The following BMP7 variants were observed in gnomAD, a reference collection of about 807,000 sequenced individuals.
BMP7 encodes the protein bone morphogenetic protein 7, also known as osteogenic protein 1.
A neutral mutation model predicts 41.2 loss-of-function variants in BMP7; 12 were observed. That is an observed-to-expected ratio of 0.29 (90% CI 0.19 to 0.47). The LOEUF (loss-of-function observed/expected upper bound fraction) is 0.47, where lower values mean the gene tolerates loss of function less well. BMP7 is among the 20% of genes least tolerant of loss of function. The pLI is 0.99. For synonymous variants in BMP7, 248 were observed against 250.0 expected (o/e 0.99, Z 0.07); for missense variants, 467 against 606.0 (o/e 0.77, Z 2.41).
At chr20:57,247,156 T>C (rs2066093731) in intron 1 of BMP7, among the ~76,000 whole-genome samples, 1 of 152,114 alleles carries the variant, frequency 6.6e-6, no homozygotes, top group African/African-American at 2.4e-5. Context: ...CTCCAGCAAC[T>C]GTGTTGATGC....
At chr20:57,184,674 C>T (rs554474701) in intron 3 of BMP7, among the ~76,000 whole-genome samples, 3 of 152,152 alleles carry the variant, frequency 2.0e-5, no homozygotes, top group South Asian at 2.1e-4. Context: ...GATGTGCTGT[C>T]GTCAGTTAAA....
chr20:57,239,436 C>T (rs770316311), intron 1 of BMP7, among the ~76,000 whole-genome samples: 4 of 152,202 alleles, frequency 2.6e-5, no homozygotes, highest in African/African-American at 7.2e-5. Flanking sequence ...TCCCTCCCAG[C>T]TGCTTTCATG....
chr20:57,174,810 C>G lies in BMP7; in HGVS notation c.1035+121G>C. Reference sequence around the variant, plus strand: ...GCCCAAGTCCCCTTCCCTAGCGAGGCCACTTGATACTGGAGTCTTAACTGG... The same window carrying G: ...GCCCAAGTCCCCTTCCCTAGCGAGGGCACTTGATACTGGAGTCTTAACTGG... On this transcript the variant is annotated intron_variant, in intron 5 of 6. Transcript: ENST00000395863. This position sits in a 1 kb window ranked among gnomAD's most constrained non-coding sequence, Gnocchi z 4.3. 1 of 1,113,406 alleles carries G rather than the reference C, an allele frequency of 9.0e-7. No individual in the cohort carries two copies. The highest frequency in any genetic ancestry group is 1.3e-6 in the Non-Finnish European group (1 of 761,862). The allele number at this position is 1,113,406 out of a possible 1,614,324, so 69.0% of individuals were successfully genotyped here.
At position 57,266,097 on chromosome 20, in the gene BMP7, G is replaced by A; in HGVS notation, c.26C>T (p.Ala9Val). 1 of 1,536,118 alleles carries A rather than the reference G, an allele frequency of 6.5e-7. No individual in the cohort carries two copies. The highest frequency in any genetic ancestry group is 1.2e-5 in the South Asian group (1 of 83,948). Residue 9 changes from alanine to valine, a missense_variant, in exon 1 of 7, where the codon GCG (alanine) becomes GTG (valine). This residue lies in a region of BMP7 where 407 missense variants were observed against 485.9 expected (regional missense o/e 0.84). Coordinates refer to ENST00000395863, the MANE Select transcript of BMP7 (RefSeq NM_001719.3). MHVRSLRA[A>V]APHSFVALWA... ...GAGCGCCACGAAGCTGTGCGGCGCC[G>A]CAGCTCGCAGTGAGCGCACGTGCAT...
rs1257455241 is a variant in BMP7, at chr20:57,169,436, A to G, written c.*1523T>C. 6.6e-6 allele frequency: 1 copy of G among 152,338 alleles called. No individual in the cohort carries two copies. Among genetic ancestry groups the G allele is most frequent in the Non-Finnish European group, 1.5e-5 (1 of 68,108 alleles). 9.4% of individuals were successfully genotyped at this position (152,338 alleles called of 1,614,324 possible). A position where few individuals can be genotyped will look rare whatever the true frequency, so the allele number is the denominator to read the frequency against. On this transcript the variant is annotated 3_prime_UTR_variant, in exon 7 of 7. Transcript: ENST00000395863. The stretch of plus-strand genomic sequence containing the variant: ...GCCAAGGCAAGGCAGGCTTACACCA[A>G]GAGCCACGTCAGAAATGCCACCTCC...
rs777149291 is a variant in BMP7 at position 57,183,919 on chromosome 20, C to T, written c.761G>A (p.Gly254Glu). 1.9e-6 allele frequency: 3 copies of T among 1,613,434 alleles called. No homozygotes were observed. The highest frequency in any genetic ancestry group is 2.5e-6 in the Non-Finnish European group (3 of 1,180,004). Residue 254 changes from glycine to glutamate, a missense_variant and splice_region_variant, in exon 4 of 7, where the codon GGG (glycine) becomes GAG (glutamate). Physicochemically the swap from Gly to Glu is moderately conservative, Grantham distance 98 (BLOSUM62 -2). This residue lies in a region of BMP7 where 407 missense variants were observed against 485.9 expected (regional missense o/e 0.84). Transcript: ENST00000395863. ...CGCCAACTTGGGGTTGATGCTCTGC[C>T]CTGGACAGGAAGCAGCCAAGTGCAC... The part of the protein sequence containing the change: ...GLQLSVETLD[G>E]QSINPKLAGL...
At position 57,228,187 on chromosome 20, in the gene BMP7, A is replaced by G. The variant is rs775310295; in HGVS notation, c.611+42T>C. 2 of 1,602,496 alleles carry G rather than the reference A, an allele frequency of 1.2e-6. No individual in the cohort carries two copies. The highest frequency in any genetic ancestry group is 1.7e-6 in the Non-Finnish European group (2 of 1,171,354). On this transcript the variant is annotated intron_variant, in intron 2 of 6. Coordinates refer to ENST00000395863, the MANE Select transcript of BMP7 (RefSeq NM_001719.3). The surrounding 1 kb of genome is among the most constrained non-coding windows in gnomAD (Gnocchi z 4.5). The stretch of plus-strand genomic sequence containing the variant: ...CACCACCTTCTTCCTCTGCCCCCAG[A>G]GGAAACTCAGCACCTCTCCCAGATA...
At chr20:57,233,494 G>A (rs6127974) in intron 1 of BMP7, among the ~76,000 whole-genome samples, 2 of 152,244 alleles carry the variant, frequency 1.3e-5, no homozygotes, top group African/African-American at 2.4e-5. Context: ...TGGGCTGGAA[G>A]GTGTCAATAA....
chr20:57,230,686 T>G (rs2066025769), intron 1 of BMP7, among the ~76,000 whole-genome samples: 1 of 148,676 alleles, frequency 6.7e-6, no homozygotes, highest in African/African-American at 2.5e-5. Context: ...AGAACTTTTT[T>G]TTTTTTTTGA....
In BMP7 at chr20:57,265,841, C is replaced by T. The variant is rs559666513; in HGVS notation, c.282G>A (p.Glu94=). The T allele has an allele frequency of 5.6e-6, 9 of 1,606,924 alleles. No homozygotes were observed. The South Asian group carries it at 1.0e-4, about 18-fold the overall frequency. ...LDLYNAMAVE[E]GGGPGGQGFS... ...AGCCCTGGCCGCCGGGCCCGCCGCC[C>T]TCCTCCACCGCCATGGCGTTGTACA... is the stretch of plus-strand genomic sequence containing the variant. Residue 94 remains glutamate (E), a synonymous_variant, in exon 1 of 7, where the codon GAG becomes GAA. Transcript: ENST00000395863.
Position 57,183,798 on chromosome 20 carries a change from C to A in BMP7, c.882G>T (p.Thr294=). 2.5e-6 allele frequency: 4 copies of A among 1,614,200 alleles called. No homozygotes were observed. The highest frequency in any genetic ancestry group is 2.5e-6 in the Non-Finnish European group (3 of 1,180,042). ...GGTTCTGGCTGCGCTGTTTGCTCCC[C>A]GTGGACCGGATGCTGCGGAAGTGGA... ...TEVHFRSIRS[T]GSKQRSQNRS... is the part of the protein sequence containing the mutation. Residue 294 remains threonine, a synonymous_variant, in exon 4 of 7, where the codon ACG becomes ACT. Coordinates refer to ENST00000395863, the MANE Select transcript of BMP7 (RefSeq NM_001719.3).
Position 57,215,181 on chromosome 20 carries a change from T to G in BMP7, c.612-12558A>C, listed in dbSNP as rs1440566704. 6.6e-6 allele frequency among the ~76,000 whole-genome samples: 1 copy of G among 152,086 alleles called. No homozygotes were observed. Among genetic ancestry groups the G allele is most frequent in the Non-Finnish European group, 1.5e-5 (1 of 67,994 alleles). Reference sequence around the variant, plus strand: ...CCTCATCAGCCCCTGGGCACCTCCATACCCCCCACCTTCACAGGCCTGGCT... The same window carrying G: ...CCTCATCAGCCCCTGGGCACCTCCAGACCCCCCACCTTCACAGGCCTGGCT... On this transcript the variant is annotated intron_variant, in intron 2 of 6. Transcript: ENST00000395863. This position sits in a 1 kb window ranked among gnomAD's most constrained non-coding sequence, Gnocchi z 4.2.
At chr20:57,187,429 C>T (rs1210728442) in intron 3 of BMP7, among the ~76,000 whole-genome samples, 1 of 152,202 alleles carries the variant, frequency 6.6e-6, no homozygotes, top group African/African-American at 2.4e-5. Flanking sequence ...GCAACTAATC[C>T]TCTGGCTACA....
Position 57,220,631 on chromosome 20 carries a change from C to T in BMP7, c.611+7598G>A, listed in dbSNP as rs578071787. ...CCCAGTGTAAAGAACCCCAGGCTGC[C>T]GCACACACGCTGATGTCTCCCCTAT... On this transcript the variant is annotated intron_variant, in intron 2 of 6. Transcript: ENST00000395863. 5.9e-5 allele frequency among the ~76,000 whole-genome samples: 9 copies of T among 152,280 alleles called. No homozygotes were observed. In the South Asian group the frequency reaches 1.5e-3, roughly 25 times the overall value.
intron 2 of BMP7, among the ~76,000 whole-genome samples, chr20:57,205,442 T>C (rs1408141038): frequency 2.0e-5 from 3 of 152,216 alleles, no homozygotes; most frequent in South Asian, 4.1e-4. Context: ...CCTGGATGAC[T>C]TTCCTGGCTT....
At chr20:57,251,777 T>C (rs971246528) in intron 1 of BMP7, among the ~76,000 whole-genome samples, 6 of 152,084 alleles carry the variant, frequency 3.9e-5, no homozygotes, top group African/African-American at 1.4e-4. Context: ...CCACTAAAAA[T>C]ACAAAAATTA....
chr20:57,243,542 C>T (rs770113211), intron 1 of BMP7, among the ~76,000 whole-genome samples: 1 of 152,068 alleles, frequency 6.6e-6, no homozygotes, highest in Admixed American at 6.6e-5. Flanking sequence ...GAATTTAACT[C>T]CTGACTTACG....
intron 3 of BMP7, among the ~76,000 whole-genome samples, chr20:57,199,822 C>T (rs959239918): frequency 6.6e-6 from 1 of 152,248 alleles, no homozygotes. Context: ...ACAAAACTCA[C>T]TGCCTGGGCG....
At chr20:57,229,027 T>A (rs568226479) in intron 1 of BMP7, among the ~76,000 whole-genome samples, 1 of 152,334 alleles carries the variant, frequency 6.6e-6, no homozygotes, top group South Asian at 2.1e-4. Flanking sequence ...TGGAAACTTT[T>A]AGAAAATACT....
Sources: gnomAD v4.1 joint callset for allele counts (sites outside exome capture counted in the v4.1 genomes callset) on GRCh38, gnomAD v4.1.1 for gene constraint, gnomAD v4.1.1 regional missense constraint, Gnocchi (gnomAD v3.1) non-coding constraint, MANE v1.5 for transcripts, NCBI Gene and HGNC (gene_info 2026-07-23, HGNC 2026-07-21) for gene names.